The following MEI1 variants were observed in gnomAD, a reference collection of about 807,000 sequenced individuals.
MEI1 encodes meiotic double-stranded break formation protein 1.
In MEI1, 103 loss-of-function variants were observed where a neutral mutation model predicts 146.2. The ratio of observed to expected loss-of-function variants is 0.70; its 90% CI spans 0.60 to 0.83. MEI1 has a LOEUF of 0.83. MEI1 is among the 40% of genes least tolerant of loss of function. The probability of loss-of-function intolerance (pLI) is 0.00; values close to 1 mark genes in which losing one functional copy is unlikely to be tolerated. For synonymous variants in MEI1, 652 were observed against 628.2 expected, an observed-to-expected ratio of 1.04 and a Z score of -0.57; for missense variants, 1,529 against 1,533.0, an observed-to-expected ratio of 1.00 and a Z score of 0.04.
intron 18 of MEI1, among the ~76,000 whole-genome samples, chr22:41,759,048 CAGG>C (rs1321485811): frequency 6.6e-6 from 1 of 152,066 alleles, no homozygotes; most frequent in African/African-American, 2.4e-5. Flanking sequence ...GAGGCTGAGA[CAGG>C]AGAATTGCTT....
intron 19 of MEI1, 103 bp from the exon 20 acceptor site, chr22:41,770,583 A>G: frequency 5.4e-6 from 6 of 1,120,154 alleles, no homozygotes; most frequent in Non-Finnish European, 7.5e-6. Flanking sequence ...GTCCTGGAAT[A>G]CTGAGATGAC....
Position 41,699,560 on chromosome 22 carries a change from A to G in MEI1, c.22A>G (p.Thr8Ala), listed in dbSNP as rs765324822. 1 of 1,611,962 alleles carries G rather than the reference A, an allele frequency of 6.2e-7. No individual in the cohort carries two copies. The highest frequency in any genetic ancestry group is 8.5e-7 in the Non-Finnish European group (1 of 1,179,078). The change falls in exon 1 of 31, where the codon ACG becomes GCG. Residue 8 changes from threonine (T) to alanine (A), a missense_variant. Transcript: ENST00000401548. ...GGAGATGGCTGTGAGGCAGGCGGCG[A>G]CGGCGGGCACTCCCGGGCCCAGGAG... MAVRQAA[T>A]AGTPGPRREE...
chr22:41,778,746 C>A lies in MEI1; in HGVS notation c.2749C>A (p.Leu917Met). 6.2e-7 allele frequency: 1 copy of A among 1,609,072 alleles called. No individual in the cohort carries two copies. The highest frequency in any genetic ancestry group is 1.1e-5 in the South Asian group (1 of 89,690). ...ACCATTGCTGCTGAGCCTCCTCTCCCTGATGCAGCTCAGGAATGTGTCAGA... is the reference window on the plus strand; with the variant it reads ...ACCATTGCTGCTGAGCCTCCTCTCCATGATGCAGCTCAGGAATGTGTCAGA... ...NLPLLLSLLS[L>M]MQLRNVSEQE... is the part of the protein sequence containing the mutation. The change falls in exon 22 of 31, where the codon CTG becomes ATG. Residue 917 changes from leucine (L) to methionine (M), a missense_variant. By Grantham distance (15) the Leu-to-Met change is conservative (BLOSUM62 2). This residue lies in a region of MEI1 where 1,212 missense variants were observed against 1,178.9 expected (regional missense o/e 1.03). Transcript: ENST00000401548.
chr22:41,761,955 T>C (rs1393306322), intron 18 of MEI1, among the ~76,000 whole-genome samples: 1 of 152,268 alleles, frequency 6.6e-6, no homozygotes, highest in Non-Finnish European at 1.5e-5. Flanking sequence ...GTTTGTACCG[T>C]GTATCAGTAC....
intron 20 of MEI1, 45 bp from the exon 21 acceptor site, chr22:41,776,057 A>G: frequency 6.3e-7 from 1 of 1,587,664 alleles, no homozygotes; most frequent in East Asian, 2.3e-5. Flanking sequence ...ACTTTTCCCC[A>G]ACTGCAGTAC....
chr22:41,734,771 G>A (rs564134930), intron 11 of MEI1, among the ~76,000 whole-genome samples: 168 of 151,856 alleles, frequency 1.1e-3, no homozygotes, highest in African/African-American at 3.8e-3. Context: ...CCGAGTAGCT[G>A]GGACTACAGG....
intron 9 of MEI1, 51 bp from the exon 10 acceptor site, chr22:41,732,194 A>G: frequency 2.1e-6 from 3 of 1,441,238 alleles, no homozygotes; most frequent in Non-Finnish European, 2.9e-6. Context: ...TGGGCAGTGA[A>G]GGAACAAGAG....
At chr22:41,780,576 CTTTTCT>C (rs1480033399) in intron 22 of MEI1, among the ~76,000 whole-genome samples, 1 of 121,538 alleles carries the variant, frequency 8.2e-6, no homozygotes, top group African/African-American at 2.9e-5. Flanking sequence ...GAATTTTTTT[CTTTTCT>C]TTTTTTTTTT....
chr22:41,796,639 A>T (rs899829043), intron 30 of MEI1, among the ~76,000 whole-genome samples: 12 of 152,230 alleles, frequency 7.9e-5, no homozygotes, highest in Admixed American at 2.6e-4. Context: ...TACAGGTGGA[A>T]AATTCCATAC....
At chr22:41,791,494 A>G (rs1288546789) in intron 26 of MEI1, among the ~76,000 whole-genome samples, 1 of 152,162 alleles carries the variant, frequency 6.6e-6, no homozygotes, top group Non-Finnish European at 1.5e-5. Context: ...CTCAAAAGAA[A>G]AAAAGCAAGT....
intron 17 of MEI1, among the ~76,000 whole-genome samples, chr22:41,754,627 C>T (rs1184464349): frequency 6.6e-6 from 1 of 151,844 alleles, no homozygotes; most frequent in Non-Finnish European, 1.5e-5. Flanking sequence ...AGAGACGGGC[C>T]TTCACCATGT....
At position 41,716,355 on chromosome 22, in the gene MEI1, C is replaced by CTTT. The variant is rs6147630; in HGVS notation, c.529+245_529+247dup. ...TATTCTTGGACTATTTCCATTCATTCTTTTTTTTTTTTTTTTTTTTTTTTT... is the reference window on the plus strand; with the variant it reads ...TATTCTTGGACTATTTCCATTCATTCTTTTTTTTTTTTTTTTTTTTTTTTTTTT... On this transcript the variant is annotated intron_variant, in intron 5 of 30. Coordinates refer to ENST00000401548, the MANE Select transcript of MEI1 (RefSeq NM_152513.4). Among the ~76,000 whole-genome samples the CTTT allele has an allele frequency of 1.3e-4, 15 of 118,572 alleles. 1 individual carries two copies. Among genetic ancestry groups the CTTT allele is most frequent in the South Asian group, 5.3e-4 (2 of 3,772 alleles). The allele number at this position is 118,572 out of a possible 152,430, so 77.8% of individuals were successfully genotyped here.
intron 11 of MEI1, among the ~76,000 whole-genome samples, chr22:41,733,911 G>A (rs1373302268): frequency 6.6e-6 from 1 of 151,342 alleles, no homozygotes; most frequent in Admixed American, 6.6e-5. Flanking sequence ...CGGACCACCT[G>A]AAGTCGGGAG....
intron 7 of MEI1, among the ~76,000 whole-genome samples, chr22:41,729,289 A>G (rs555669498): frequency 1.3e-5 from 2 of 152,228 alleles, no homozygotes; most frequent in Non-Finnish European, 2.9e-5. Flanking sequence ...GCCATGAGCC[A>G]TGATCATGCC....
At chr22:41,708,332 A>G (rs984708237) in intron 3 of MEI1, among the ~76,000 whole-genome samples, 3 of 152,016 alleles carry the variant, frequency 2.0e-5, no homozygotes, top group African/African-American at 4.8e-5. Context: ...TTTGCCTTCA[A>G]CGAGGGTCTC....
At chr22:41,746,110 G>A (rs1174101576) in intron 14 of MEI1, 84 bp downstream of exon 14, 2 of 1,356,994 alleles carry the variant, frequency 1.5e-6, no homozygotes, top group Admixed American at 5.0e-5. Flanking sequence ...GCATAAGGCA[G>A]TGACTGCTCA....
chr22:41,725,029 C>T (rs1230932291), intron 7 of MEI1, among the ~76,000 whole-genome samples: 2 of 151,944 alleles, frequency 1.3e-5, no homozygotes, highest in Non-Finnish European at 2.9e-5. Context: ...GTCTCAACTC[C>T]TGGGCTCAAG....
At chr22:41,770,371 C>T (rs977338753) in intron 19 of MEI1, among the ~76,000 whole-genome samples, 2 of 151,904 alleles carry the variant, frequency 1.3e-5, no homozygotes, top group Non-Finnish European at 2.9e-5. Context: ...GTGTGATAAG[C>T]TTTGTAGGAT....
chr22:41,777,648 G>A (rs1270876959), intron 21 of MEI1, among the ~76,000 whole-genome samples: 9 of 152,140 alleles, frequency 5.9e-5, no homozygotes, highest in Non-Finnish European at 1.2e-4. Context: ...AAGGCCATGG[G>A]CATTGGATTC....
Sources: allele counts gnomAD v4.1 joint callset (sites outside exome capture counted in the v4.1 genomes callset), GRCh38; gene constraint gnomAD v4.1.1; regional missense constraint gnomAD v4.1.1; transcripts MANE v1.5; gene names NCBI Gene and HGNC (gene_info 2026-07-23, HGNC 2026-07-21).